PRIM2: variants seen among roughly 807,000 people sequenced by gnomAD.
The protein encoded by PRIM2 is DNA primase subunit 2.
PRIM2 carries 39 observed loss-of-function variants against 67.3 expected under a neutral mutation model. The observed-to-expected ratio is 0.58, with a 90% CI of 0.45 to 0.76. The LOEUF is 0.76. Ranked by LOEUF, PRIM2 falls within the 30% of genes least tolerant of loss-of-function variation. The pLI is 0.00. For missense variants in PRIM2, 398 were observed against 598.7 expected, an observed-to-expected ratio of 0.66 and a Z score of 3.50; for synonymous variants, 143 against 198.7, an observed-to-expected ratio of 0.72 and a Z score of 2.36.
At chr6:57,512,759 A>T (rs1774397964) in intron 8 of PRIM2, among the ~76,000 whole-genome samples, 1 of 152,102 alleles carries the variant, frequency 6.6e-6, no homozygotes, top group African/African-American at 2.4e-5. Context: ...CACCACACCC[A>T]ATAAATTTTT....
intron 7 of PRIM2, among the ~76,000 whole-genome samples, chr6:57,446,418 C>CTTCTTTTTTTTTTTTTTT (rs1772366659): frequency 1.2e-5 from 1 of 83,814 alleles, no homozygotes; most frequent in African/African-American, 4.9e-5. Context: ...CACGCCACTT[C>CTTCTTTTTTTTTTTTTTT]TTTTTTTTTT....
chr6:57,468,794 G>A (rs1335645953), intron 7 of PRIM2, among the ~76,000 whole-genome samples: 1 of 152,234 alleles, frequency 6.6e-6, no homozygotes, highest in African/African-American at 2.4e-5. Flanking sequence ...ATAACTATGT[G>A]TGGGATATAG....
rs990786299 is a variant in PRIM2, at chr6:57,336,018, G to T, written c.459+9973G>T. 7.2e-5 allele frequency among the ~76,000 whole-genome samples: 11 copies of T among 151,972 alleles called. 1 individual carries two copies. The South Asian group carries it at 1.0e-3, about 14-fold the overall frequency. ...CCAATACAGAGAAGTGCTTAAAGGA[G>T]CTGATGGAGCTGAAAACCAAGGCTC... On this transcript the variant is annotated intron_variant, in intron 5 of 13. Transcript: ENST00000615550.
At chr6:57,225,754 T>A in the PRIM2 span, among the ~76,000 whole-genome samples, 1 of 152,160 alleles carries the variant, frequency 6.6e-6, no homozygotes, top group Non-Finnish European at 1.5e-5. Flanking sequence ...CAGAAAATAT[T>A]TTCTTCCAAG....
intron 7 of PRIM2, among the ~76,000 whole-genome samples, chr6:57,473,978 A>C (rs1773404057): frequency 6.6e-6 from 1 of 151,646 alleles, no homozygotes; most frequent in Admixed American, 6.6e-5. Context: ...TTTTCATTAC[A>C]TCTTTTCTTG....
In PRIM2 at chr6:57,433,549, G is replaced by A. The variant is rs529803136; in HGVS notation, c.693+51381G>A. Among the ~76,000 whole-genome samples the A allele has an allele frequency of 6.6e-5, 10 of 152,164 alleles. No individual in the cohort carries two copies. In the South Asian group the frequency reaches 2.1e-3, roughly 32 times the overall value. The stretch of plus-strand genomic sequence containing the variant: ...TTTGTCCACTTTCGGAATCCTTAGG[G>A]GAGCAATTTGTTCCCTTGAGTATGA... On this transcript the variant is annotated intron_variant, in intron 7 of 13. Transcript: ENST00000615550.
At chr6:57,372,047 T>G (rs1427739759) in intron 5 of PRIM2, among the ~76,000 whole-genome samples, 2 of 152,228 alleles carry the variant, frequency 1.3e-5, no homozygotes, top group African/African-American at 4.8e-5. Context: ...AACCTCAATT[T>G]ACATACTCTA....
At chr6:57,348,173 T>C (rs1465471526) in intron 5 of PRIM2, among the ~76,000 whole-genome samples, 1 of 152,142 alleles carries the variant, frequency 6.6e-6, no homozygotes, top group Non-Finnish European at 1.5e-5. Context: ...TTGAGGGGTT[T>C]GTTTTCTAGC....
At chr6:57,313,536 G>A (rs797019627), upstream of PRIM2, among the ~76,000 whole-genome samples, 7 of 152,282 alleles carry the variant, frequency 4.6e-5, no homozygotes, top group African/African-American at 1.4e-4. Context: ...CAGTTCTCCT[G>A]CTCCTTGATT....
intron 7 of PRIM2, among the ~76,000 whole-genome samples, chr6:57,499,988 C>T (rs1302729516): frequency 6.6e-6 from 1 of 151,416 alleles, no homozygotes; most frequent in Non-Finnish European, 1.5e-5. Context: ...GTTGAAAGCA[C>T]CTCAAATTCA....
At chr6:57,626,550 ATAG>A (rs1365545446) in intron 12 of PRIM2, among the ~76,000 whole-genome samples, 1 of 152,172 alleles carries the variant, frequency 6.6e-6, no homozygotes, top group Non-Finnish European at 1.5e-5. Flanking sequence ...TGAGGATGAA[ATAG>A]TAGATGAAGT....
At chr6:57,639,727 C>A (rs1254281788) in intron 13 of PRIM2, among the ~76,000 whole-genome samples, 1 of 150,128 alleles carries the variant, frequency 6.7e-6, no homozygotes, top group Admixed American at 6.7e-5. Context: ...GGTTCTGAAA[C>A]TGAGGCAGTA....
At chr6:57,327,409 T>C (rs1212095577) in intron 5 of PRIM2, among the ~76,000 whole-genome samples, 1 of 152,160 alleles carries the variant, frequency 6.6e-6, no homozygotes, top group African/African-American at 2.4e-5. Context: ...AGAAGACATA[T>C]CCACTGTAGC....
the PRIM2 span, among the ~76,000 whole-genome samples, chr6:57,297,955 G>T: frequency 6.6e-6 from 1 of 152,192 alleles, no homozygotes; most frequent in Non-Finnish European, 1.5e-5. Context: ...CAGAAAAAAA[G>T]ACATCAGTGG....
intron 3 of PRIM2, among the ~76,000 whole-genome samples, chr6:57,323,701 G>A (rs1767737903): frequency 6.6e-6 from 1 of 151,688 alleles, no homozygotes; most frequent in Non-Finnish European, 1.5e-5. Context: ...TAGATGACGG[G>A]CAGCAAACCA....
intron 10 of PRIM2, among the ~76,000 whole-genome samples, chr6:57,555,822 C>A (rs1775504148): frequency 6.6e-6 from 1 of 152,060 alleles, no homozygotes; most frequent in South Asian, 2.1e-4. Flanking sequence ...TTGAAAGGAA[C>A]AGAGAACTAG....
chr6:57,382,175 A>C lies in PRIM2; in HGVS notation c.693+7A>C, dbSNP rs769627943. 4.3e-6 allele frequency: 7 copies of C among 1,611,210 alleles called. No homozygotes were observed. The highest frequency in any genetic ancestry group is 1.1e-5 in the South Asian group (1 of 90,684). ...ACTGTCCAAGGCTTTGGCAGTGAGT[A>C]TTTTACTTGATTTCTGTATCTGACA... On this transcript the variant is annotated splice_region_variant and intron_variant, in intron 7 of 13. Transcript: ENST00000615550.
chr6:57,525,232 C>A (rs1367118421), intron 8 of PRIM2, among the ~76,000 whole-genome samples: 21 of 152,120 alleles, frequency 1.4e-4, no homozygotes, highest in African/African-American at 4.6e-4. Context: ...AAATGCTACG[C>A]CCTTATCACA....
intron 10 of PRIM2, among the ~76,000 whole-genome samples, chr6:57,570,064 T>C (rs1185981540): frequency 6.6e-6 from 1 of 152,176 alleles, no homozygotes; most frequent in Non-Finnish European, 1.5e-5. Context: ...TATTAGTTAT[T>C]CTTGCCCATT....
Sources: allele counts gnomAD v4.1 joint callset (sites outside exome capture counted in the v4.1 genomes callset), GRCh38; gene constraint gnomAD v4.1.1; transcripts MANE v1.5; gene names NCBI Gene and HGNC (gene_info 2026-07-23, HGNC 2026-07-21).